The following CYP46A1 variants were observed in gnomAD, a reference collection of about 807,000 sequenced individuals.
The protein encoded by CYP46A1 is cholesterol 24-hydroxylase.
CYP46A1 carries 20 observed loss-of-function variants against 63.3 expected under a neutral mutation model. The observed-to-expected ratio is 0.32, with a 90% confidence interval of 0.22 to 0.46. The LOEUF (loss-of-function observed/expected upper bound fraction) is 0.46, where lower values mean the gene tolerates loss of function less well. CYP46A1 is among the 20% of genes least tolerant of loss of function. The pLI is 1.00. For synonymous variants in CYP46A1, 268 were observed against 273.6 expected (o/e 0.98, Z 0.20); for missense variants, 445 against 670.8 (o/e 0.66, Z 3.72).
intron 2 of CYP46A1, 53 bp from the exon 3 acceptor site, chr14:99,691,727 A>G: frequency 6.4e-7 from 1 of 1,561,620 alleles, no homozygotes; most frequent in Non-Finnish European, 8.8e-7. Context: ...GGGGTTGGTG[A>G]TGGTCATACC....
chr14:99,706,765 G>A lies in CYP46A1; in HGVS notation c.562G>A (p.Ala188Thr), dbSNP rs148568536. The A allele has an allele frequency of 1.1e-5, 18 of 1,612,974 alleles. No homozygotes were observed. The highest frequency in any genetic ancestry group is 5.0e-5 in the Admixed American group (3 of 59,996). The part of the protein sequence containing the change: ...VSMQDMLTYT[A>T]MDILAKAAFG... ...CATGCAGGACATGCTGACCTACACC[G>A]CCATGGACATCCTGGCCAAGGTGAT... The change falls in exon 6 of 15, where the codon GCC becomes ACC. Residue 188 changes from alanine (A) to threonine (T), a missense_variant. Physicochemically the swap from Ala to Thr is moderately conservative, Grantham distance 58. This residue lies in a region of CYP46A1 where 252 missense variants were observed against 383.3 expected (regional missense o/e 0.66). Coordinates refer to ENST00000261835, the MANE Select transcript of CYP46A1 (RefSeq NM_006668.2).
intron 10 of CYP46A1, among the ~76,000 whole-genome samples, chr14:99,719,498 A>T (rs2056824264): frequency 6.6e-6 from 1 of 151,984 alleles, no homozygotes; most frequent in African/African-American, 2.4e-5. Context: ...CTGGGATTAC[A>T]GGTGTGAGCC....
At chr14:99,688,002 G>C (rs1742219679) in intron 1 of CYP46A1, among the ~76,000 whole-genome samples, 1 of 151,340 alleles carries the variant, frequency 6.6e-6, no homozygotes. Context: ...CCCCTTTCTT[G>C]GTGGGCCATG....
In CYP46A1 at chr14:99,715,965, A is replaced by G. The variant is rs776499728; in HGVS notation, c.844+5A>G. The G allele has an allele frequency of 2.5e-6, 4 of 1,579,500 alleles. No individual in the cohort carries two copies. The African/African-American group carries it at 4.1e-5, about 16-fold the overall frequency. ...TCCTCACACAGATTCTGAAAGGTGC[A>G]AGGGCCCCCTCTGCGGACTGGGGAG... On this transcript the variant is annotated splice_donor_5th_base_variant and intron_variant, in intron 8 of 14. Coordinates refer to ENST00000261835, the MANE Select transcript of CYP46A1 (RefSeq NM_006668.2).
At position 99,722,019 on chromosome 14, in the gene CYP46A1, G is replaced by A. The variant is rs763967249; in HGVS notation, c.1129G>A (p.Glu377Lys). The change falls in exon 12 of 15, where the codon GAG becomes AAG. Residue 377 changes from glutamate (E) to lysine (K), a missense_variant. Glu to Lys is a moderately conservative substitution (Grantham distance 56). This residue lies in a region of CYP46A1 where 95 missense variants were observed against 156.9 expected (regional missense o/e 0.61). Transcript: ENST00000261835. The surrounding 1 kb of genome is among the most constrained non-coding windows in gnomAD (Gnocchi z 4.6). ...GGGCACCTTTCGCCTGCTGGAAGAGGAGACCTTGATTGATGGGGTCAGAGT... is the reference window on the plus strand; with the variant it reads ...GGGCACCTTTCGCCTGCTGGAAGAGAAGACCTTGATTGATGGGGTCAGAGT... ...AWGTFRLLEEETLIDGVRVPG... is the reference protein window; with the variant it reads ...AWGTFRLLEEKTLIDGVRVPG... 1.2e-6 allele frequency: 2 copies of A among 1,613,528 alleles called. No homozygotes were observed. Among genetic ancestry groups the A allele is most frequent in the Admixed American group, 1.7e-5 (1 of 59,994 alleles).
intron 9 of CYP46A1, among the ~76,000 whole-genome samples, chr14:99,716,739 C>G (rs75136142): frequency 0.073 from 11,144 of 152,244 alleles, 507 homozygotes; most frequent in East Asian, 0.17. Context: ...AATTGAGTGA[C>G]GTCTGTTCCC....
At chr14:99,707,860 TTG>T (rs1177719901) in intron 7 of CYP46A1, 182 bp downstream of exon 7, 12 of 590,806 alleles carry the variant, frequency 2.0e-5, no homozygotes, top group Non-Finnish European at 3.6e-5. Context: ...TAAAATCAAA[TTG>T]CCTTAAAGTA....
At chr14:99,698,424 G>A (rs900162648) in intron 3 of CYP46A1, among the ~76,000 whole-genome samples, 7 of 152,130 alleles carry the variant, frequency 4.6e-5, no homozygotes, top group African/African-American at 1.2e-4. Context: ...TTCTCCATCT[G>A]TATGTAAGAT....
intron 6 of CYP46A1, 34 bp downstream of exon 6, chr14:99,706,819 G>T (rs1246807734): frequency 1.9e-6 from 3 of 1,606,594 alleles, no homozygotes; most frequent in Non-Finnish European, 2.6e-6. Flanking sequence ...GGGGCCAGGA[G>T]GGCCACATGG....
At chr14:99,724,247 G>A (rs1287485964) in intron 12 of CYP46A1, among the ~76,000 whole-genome samples, 3 of 152,088 alleles carry the variant, frequency 2.0e-5, no homozygotes, top group Admixed American at 6.5e-5. Context: ...TTTGTGGGGG[G>A]CAAAATTCAG....
chr14:99,723,793 T>G (rs8018381), intron 12 of CYP46A1, among the ~76,000 whole-genome samples: 3 of 152,110 alleles, frequency 2.0e-5, no homozygotes, highest in African/African-American at 7.2e-5. Flanking sequence ...ATTCACTTAC[T>G]TTGTCCTCAG....
intron 10 of CYP46A1, among the ~76,000 whole-genome samples, chr14:99,720,713 G>A: frequency 6.6e-6 from 1 of 152,168 alleles, no homozygotes; most frequent in South Asian, 2.1e-4. Flanking sequence ...CACAAAGGGT[G>A]GATGTTTTAG....
At chr14:99,708,057 G>A (rs981255319) in intron 7 of CYP46A1, 10 of 270,846 alleles carry the variant, frequency 3.7e-5, no homozygotes, top group Admixed American at 1.0e-4. Flanking sequence ...GCCACTGCCC[G>A]TGCCCACATG....
Position 99,725,402 on chromosome 14 carries a change from T to C in CYP46A1, c.1188T>C (p.Tyr396=). The C allele has an allele frequency of 1.2e-6, 2 of 1,614,084 alleles. No homozygotes were observed. Among genetic ancestry groups the C allele is most frequent in the Non-Finnish European group, 1.7e-6 (2 of 1,179,964 alleles). Residue 396 remains tyrosine, a synonymous_variant, in exon 13 of 15, where the codon TAT becomes TAC. Coordinates refer to ENST00000261835, the MANE Select transcript of CYP46A1 (RefSeq NM_006668.2). The surrounding 1 kb of genome is among the most constrained non-coding windows in gnomAD (Gnocchi z 4.2). Reference sequence around the variant, plus strand: ...CCCTTTGCCCGCAGTTCAGCACCTATGTCATGGGGCGGATGGACACATACT... The same window carrying C: ...CCCTTTGCCCGCAGTTCAGCACCTACGTCATGGGGCGGATGGACACATACT... The part of the protein sequence containing the change: ...PGNTPLLFST[Y]VMGRMDTYFE...
chr14:99,700,095 G>A lies in CYP46A1; in HGVS notation c.437G>A (p.Ser146Asn). The A allele has an allele frequency of 6.3e-7, 1 of 1,597,852 alleles. No individual in the cohort carries two copies. The highest frequency in any genetic ancestry group is 8.6e-7 in the Non-Finnish European group (1 of 1,169,196). The change falls in exon 5 of 15, where the codon AGC becomes AAC. Residue 146 changes from serine (S) to asparagine (N), a missense_variant. By Grantham distance (46) the Ser-to-Asn change is conservative (BLOSUM62 1). This residue lies in a region of CYP46A1 where 252 missense variants were observed against 383.3 expected (regional missense o/e 0.66). Transcript: ENST00000261835. ...CGGAGAGTCATAGACCTGGCCTTCAGCCGGAGGTGAGTGTGGCCGGAGGCT... is the reference window on the plus strand; with the variant it reads ...CGGAGAGTCATAGACCTGGCCTTCAACCGGAGGTGAGTGTGGCCGGAGGCT... ...KQRRVIDLAFSRSSLVSLMET... is the reference protein window; with the variant it reads ...KQRRVIDLAFNRSSLVSLMET...
chr14:99,691,696 A>G, intron 2 of CYP46A1, 84 bp from the exon 3 acceptor site: 2 of 1,308,380 alleles, frequency 1.5e-6, no homozygotes, highest in South Asian at 2.4e-5. Context: ...GGGACGGGAA[A>G]CATCGGTTTC....
At chr14:99,688,423 C>A (rs115980883) in intron 1 of CYP46A1, among the ~76,000 whole-genome samples, 5,407 of 152,172 alleles carry the variant, frequency 0.036, 128 homozygotes, top group African/African-American at 0.055. Context: ...CTTCCCTGAG[C>A]AAAGGGAGCA....
At chr14:99,697,289 C>T (rs150285369) in intron 3 of CYP46A1, among the ~76,000 whole-genome samples, 82 of 151,276 alleles carry the variant, frequency 5.4e-4, no homozygotes, top group Non-Finnish European at 1.0e-4. Flanking sequence ...ACAGCTTCTC[C>T]CTGGTACTTT....
At chr14:99,724,637 G>A in intron 12 of CYP46A1, among the ~76,000 whole-genome samples, 1 of 152,134 alleles carries the variant, frequency 6.6e-6, no homozygotes, top group Non-Finnish European at 1.5e-5. Context: ...GGAGTGGTGA[G>A]CATCAGTAGG....
Sources: allele counts gnomAD v4.1 joint callset (sites outside exome capture counted in the v4.1 genomes callset), GRCh38; gene constraint gnomAD v4.1.1; regional missense constraint gnomAD v4.1.1; non-coding constraint Gnocchi (gnomAD v3.1); transcripts MANE v1.5; gene names NCBI Gene and HGNC (gene_info 2026-07-23, HGNC 2026-07-21).